The following MAPK10 variants were observed in gnomAD, a reference collection of about 807,000 sequenced individuals.
MAPK10 encodes the protein JNK3 alpha protein kinase.
A neutral mutation model predicts 59.3 loss-of-function variants in MAPK10; 25 were observed. The observed-to-expected ratio is 0.42, with a 90% confidence interval of 0.31 to 0.59. The LOEUF (loss-of-function observed/expected upper bound fraction) is 0.59. Ranked by LOEUF, MAPK10 falls within the 20% of genes least tolerant of loss-of-function variation. The pLI is 0.15. For missense variants in MAPK10, 351 were observed against 568.9 expected (o/e 0.62, Z 3.90); for synonymous variants, 190 against 200.5 (o/e 0.95, Z 0.44).
At chr4:86,338,727 A>T (rs945815619) in intron 2 of MAPK10, among the ~76,000 whole-genome samples, 3 of 152,210 alleles carry the variant, frequency 2.0e-5, no homozygotes, top group East Asian at 3.8e-4. Flanking sequence ...TTAGTTTATT[A>T]TACTGAAAAG....
At chr4:86,266,013 G>T (rs1032804748) in intron 2 of MAPK10, among the ~76,000 whole-genome samples, 2 of 152,056 alleles carry the variant, frequency 1.3e-5, no homozygotes, top group Admixed American at 6.5e-5. Context: ...CTCATAAACA[G>T]AGATATGGGT....
intron 1 of MAPK10, among the ~76,000 whole-genome samples, chr4:86,544,170 C>CATTA (rs1391741451): frequency 6.6e-6 from 1 of 152,080 alleles, no homozygotes; most frequent in East Asian, 1.9e-4. Context: ...GAGATTAAGT[C>CATTA]ATTATTCTTA....
intron 2 of MAPK10, among the ~76,000 whole-genome samples, chr4:86,342,868 T>C (rs1725813093): frequency 6.6e-6 from 1 of 152,160 alleles, no homozygotes; most frequent in Non-Finnish European, 1.5e-5. Context: ...CTGCCTCTCT[T>C]ACCTCTCTTC....
intron 2 of MAPK10, among the ~76,000 whole-genome samples, chr4:86,251,903 G>C (rs1370228622): frequency 1.5e-5 from 2 of 129,420 alleles, no homozygotes; most frequent in African/African-American, 3.9e-5. Flanking sequence ...TAGTGGTTTT[G>C]ATTTGCATTT....
rs141358634 is a variant in MAPK10, at chr4:86,580,272, G to A, written c.-263+13638C>T. Among the ~76,000 whole-genome samples, 112 of 152,258 alleles carry A rather than the reference G, an allele frequency of 7.4e-4. 2 individuals carry two copies. The East Asian group carries it at 0.019, about 26-fold the overall frequency. ...CCAGCACTTTGGGAGACCAAGGTGA[G>A]TGGATCACTTGAGGTCAGGAGTTTG... On this transcript the variant is annotated intron_variant, in intron 1 of 4. Transcript: ENST00000502302.
At position 86,542,591 on chromosome 4, in the gene MAPK10, G is replaced by A. The variant is rs1758798238; in HGVS notation, c.-263+51319C>T. On this transcript the variant is annotated intron_variant, in intron 1 of 4. Coordinates refer to the MAPK10 transcript ENST00000502302. ...GAATAGCCACTGCACTCTAGCCTGG[G>A]CAACGTGAGACTCTCTCTAAAAAAA... 5.2e-5 allele frequency: 8 copies of A among 154,186 alleles called. No individual in the cohort carries two copies. In the South Asian group the frequency reaches 1.6e-3, roughly 31 times the overall value. The allele number at this position is 154,186 out of a possible 1,614,324, so 9.6% of individuals were successfully genotyped here.
At chr4:86,336,430 T>C (rs879945468) in intron 2 of MAPK10, 3 of 152,216 alleles carry the variant, frequency 2.0e-5, no homozygotes, top group Non-Finnish European at 4.4e-5. Flanking sequence ...TATCAAGTAA[T>C]TGGGGCTACC....
chr4:86,221,877 T>C (rs2089713705), intron 2 of MAPK10, among the ~76,000 whole-genome samples: 1 of 152,190 alleles, frequency 6.6e-6, no homozygotes, highest in Non-Finnish European at 1.5e-5. Flanking sequence ...GGAATTCTCA[T>C]GAATGGGTTA....
chr4:86,501,114 GAAAAAA>G lies in MAPK10; in HGVS notation c.-263+92790_-263+92795del, dbSNP rs11341561. Among the ~76,000 whole-genome samples, 579 of 87,868 alleles carry G rather than the reference GAAAAAA, an allele frequency of 6.6e-3. 10 individuals are homozygous for G. Among genetic ancestry groups the G allele is most frequent in the African/African-American group, 0.025 (513 of 20,916 alleles). 57.6% of individuals were successfully genotyped at this position (87,868 alleles called of 152,430 possible). On this transcript the variant is annotated intron_variant, in intron 1 of 4. Transcript: ENST00000502302. ...AATGATGTGAAACTCTCTACGATCT[GAAAAAA>G]AAAAAAAAAAAAAAAAAAAACTTTT...
chr4:86,271,538 C>T (rs1203657465), intron 2 of MAPK10, among the ~76,000 whole-genome samples: 1 of 151,868 alleles, frequency 6.6e-6, no homozygotes, highest in Non-Finnish European at 1.5e-5. Flanking sequence ...TACAAATGAT[C>T]CTGTGACCCA....
intron 3 of MAPK10, among the ~76,000 whole-genome samples, chr4:86,176,714 C>G (rs2075762709): frequency 6.6e-6 from 1 of 152,056 alleles, no homozygotes; most frequent in Non-Finnish European, 1.5e-5. Context: ...TTTGCTATAA[C>G]TGTGTTCACC....
intron 3 of MAPK10, among the ~76,000 whole-genome samples, chr4:86,183,393 G>A (rs190994880): frequency 0.021 from 3,198 of 149,484 alleles, 54 homozygotes; most frequent in Non-Finnish European, 0.031. Context: ...TGCAGTGTTT[G>A]GTTTTTTGTC....
chr4:86,388,213 A>T (rs1034709741), intron 1 of MAPK10, among the ~76,000 whole-genome samples: 4 of 150,866 alleles, frequency 2.7e-5, no homozygotes, highest in South Asian at 2.1e-4. Flanking sequence ...TGTCTGTGTG[A>T]GAGAGAGAGA....
At chr4:86,593,784 G>C (rs1763302308) in intron 1 of MAPK10, 1 of 152,138 alleles carries the variant, frequency 6.6e-6, no homozygotes, top group Non-Finnish European at 1.5e-5. Context: ...TTGCTGCAAG[G>C]AGCTGGCAAA....
At chr4:86,432,431 C>T (rs1032909659) in intron 1 of MAPK10, among the ~76,000 whole-genome samples, 1 of 152,052 alleles carries the variant, frequency 6.6e-6, no homozygotes, top group Non-Finnish European at 1.5e-5. Context: ...CACACCAGGA[C>T]GCCCAGCTAA....
At chr4:86,590,313 C>T (rs1265609057) in intron 1 of MAPK10, among the ~76,000 whole-genome samples, 1 of 152,128 alleles carries the variant, frequency 6.6e-6, no homozygotes, top group African/African-American at 2.4e-5. Flanking sequence ...TAGTTGACTG[C>T]TTGAGCCTGC....
chr4:86,379,380 G>A (rs1030440320), intron 1 of MAPK10, among the ~76,000 whole-genome samples: 4 of 152,148 alleles, frequency 2.6e-5, no homozygotes. Flanking sequence ...TGGAGCTTTG[G>A]GGGTTTCCTT....
chr4:86,497,472 A>G (rs966470230), intron 1 of MAPK10, among the ~76,000 whole-genome samples: 1 of 152,170 alleles, frequency 6.6e-6, no homozygotes. Flanking sequence ...AAGTAGGACC[A>G]ATGGAGTGCA....
intron 1 of MAPK10, among the ~76,000 whole-genome samples, chr4:86,368,465 A>G (rs2148991197): frequency 6.6e-6 from 1 of 152,226 alleles, no homozygotes; most frequent in African/African-American, 2.4e-5. Flanking sequence ...ATCACTTTTA[A>G]TTTTTTTCTT....
Sources: allele counts gnomAD v4.1 joint callset (sites outside exome capture counted in the v4.1 genomes callset), GRCh38; gene constraint gnomAD v4.1.1; transcripts MANE v1.5; gene names NCBI Gene and HGNC (gene_info 2026-07-23, HGNC 2026-07-21).